NAV2: variants seen among roughly 807,000 people sequenced by gnomAD.
NAV2 encodes helicase, APC down-regulated 1.
Under a neutral mutation model 223.2 loss-of-function variants are expected in NAV2, and 54 were observed. That is an observed-to-expected ratio of 0.24 (90% CI 0.19 to 0.30). NAV2 has a LOEUF of 0.30. NAV2 is among the 10% of genes least tolerant of loss of function. The probability of loss-of-function intolerance (pLI) is 1.00; values close to 1 mark genes in which losing one functional copy is unlikely to be tolerated. For synonymous variants in NAV2, 1,279 were observed against 1,239.3 expected (o/e 1.03, Z -0.67); for missense variants, 2,806 against 3,147.5 (o/e 0.89, Z 2.60).
At chr11:19,535,524 C>T (rs2044160422) in intron 1 of NAV2, among the ~76,000 whole-genome samples, 1 of 152,178 alleles carries the variant, frequency 6.6e-6, no homozygotes, top group Non-Finnish European at 1.5e-5. Flanking sequence ...GGGTGATATA[C>T]TTTTAATTAA....
intron 3 of NAV2, among the ~76,000 whole-genome samples, chr11:19,851,133 T>G (rs1011047917): frequency 9.2e-5 from 14 of 152,200 alleles, no homozygotes; most frequent in African/African-American, 3.1e-4. Flanking sequence ...CATATACAAT[T>G]GTGATTGCCA....
At chr11:19,776,283 G>T (rs1406722580) in intron 1 of NAV2, among the ~76,000 whole-genome samples, 1 of 152,204 alleles carries the variant, frequency 6.6e-6, no homozygotes, top group East Asian at 1.9e-4. Context: ...GAGGGTCACT[G>T]CCAGATGAGA....
intron 15 of NAV2, 69 bp from the exon 16 acceptor site, chr11:20,049,767 A>AT (rs769584425): frequency 3.8e-4 from 553 of 1,473,754 alleles, no homozygotes; most frequent in Non-Finnish European, 5.0e-4. Context: ...AAAAATGTAT[A>AT]TAACAACACC....
At chr11:19,689,681 C>T (rs2049113544) in intron 1 of NAV2, among the ~76,000 whole-genome samples, 1 of 152,184 alleles carries the variant, frequency 6.6e-6, no homozygotes, top group African/African-American at 2.4e-5. Context: ...TTAGCATTAA[C>T]CCTTTTCAGA....
In NAV2 at chr11:20,054,121, A is replaced by G; in HGVS notation, c.4523A>G (p.Lys1508Arg). The G allele has an allele frequency of 6.2e-7, 1 of 1,612,778 alleles. No individual in the cohort carries two copies. Among genetic ancestry groups the G allele is most frequent in the South Asian group, 1.1e-5 (1 of 90,738 alleles). The change falls in exon 18 of 38, where the codon AAA becomes AGA. Residue 1508 changes from lysine to arginine, a missense_variant. This residue lies in a region of NAV2 where 742 missense variants were observed against 777.9 expected (regional missense o/e 0.95). Transcript: ENST00000349880. The stretch of plus-strand genomic sequence containing the variant: ...CAGCTTCGCACGCAAGAAGATGCAA[A>G]AGAATGGTTACGGTCCCATTCTGCA... ...TSQLRTQEDA[K>R]EWLRSHSAGG...
chr11:19,723,585 C>G (rs376152072), intron 1 of NAV2, among the ~76,000 whole-genome samples: 25 of 152,246 alleles, frequency 1.6e-4, no homozygotes, highest in Non-Finnish European at 3.1e-4. Flanking sequence ...CTGCTTCCCC[C>G]TCGTTGGGGC....
chr11:19,700,716 C>T (rs1234350750), intron 1 of NAV2, among the ~76,000 whole-genome samples: 1 of 152,148 alleles, frequency 6.6e-6, no homozygotes, highest in Non-Finnish European at 1.5e-5. Context: ...AGATCCTGGC[C>T]CCAAACATCT....
At chr11:19,984,011 C>T (rs945750212) in intron 10 of NAV2, 114 bp from the exon 11 acceptor site, 24 of 1,370,124 alleles carry the variant, frequency 1.8e-5, no homozygotes, top group African/African-American at 5.7e-5. Context: ...GGGAATCCTC[C>T]GTTTCTTCCC....
intron 1 of NAV2, among the ~76,000 whole-genome samples, chr11:19,493,037 T>C (rs1348424960): frequency 6.6e-6 from 1 of 152,174 alleles, no homozygotes; most frequent in Non-Finnish European, 1.5e-5. Context: ...AGTAGGCTGA[T>C]AATAATCGTC....
At chr11:19,678,237 T>A (rs554328959) in intron 1 of NAV2, among the ~76,000 whole-genome samples, 2 of 152,194 alleles carry the variant, frequency 1.3e-5, no homozygotes, top group Non-Finnish European at 2.9e-5. Context: ...TCTAAGCTCC[T>A]TTTTTGTAGG....
chr11:19,778,241 G>T lies in NAV2; in HGVS notation c.268-54243G>T, dbSNP rs899324854. 16 of 419,516 alleles carry T rather than the reference G, an allele frequency of 3.8e-5. No individual in the cohort carries two copies. The East Asian group carries it at 1.1e-3, about 30-fold the overall frequency. The allele number at this position is 419,516 out of a possible 1,614,324, so 26.0% of individuals were successfully genotyped here. A position where few individuals can be genotyped will look rare whatever the true frequency, so the allele number is the denominator to read the frequency against. On this transcript the variant is annotated intron_variant, in intron 1 of 37. Transcript: ENST00000349880. ...GCTTTTGTGAATTGTTTTTTTATCG[G>T]ATAGTTTCAACTGGCGGGGACCATA...
chr11:19,570,626 A>T (rs1450521300), intron 1 of NAV2, among the ~76,000 whole-genome samples: 1 of 152,254 alleles, frequency 6.6e-6, no homozygotes, highest in Non-Finnish European at 1.5e-5. Flanking sequence ...TGAGCAAAGG[A>T]CTTGAATAGA....
chr11:19,878,419 G>A (rs1340445343), intron 4 of NAV2, among the ~76,000 whole-genome samples: 1 of 152,120 alleles, frequency 6.6e-6, no homozygotes, highest in Non-Finnish European at 1.5e-5. Flanking sequence ...TGTGCAGTGG[G>A]GCAAAGCGGT....
chr11:19,542,181 G>A (rs1351272691), intron 1 of NAV2, among the ~76,000 whole-genome samples: 1 of 152,190 alleles, frequency 6.6e-6, no homozygotes, highest in East Asian at 1.9e-4. Context: ...GTGCAGACCT[G>A]ACTGCTGTTG....
intron 1 of NAV2, among the ~76,000 whole-genome samples, chr11:19,670,919 C>T (rs532457824): frequency 3.4e-4 from 52 of 152,348 alleles, no homozygotes; most frequent in African/African-American, 1.2e-3. Flanking sequence ...GGAATGCCAG[C>T]GCAGCTAAGG....
chr11:19,649,497 T>A (rs970284163), intron 1 of NAV2, among the ~76,000 whole-genome samples: 1 of 152,178 alleles, frequency 6.6e-6, no homozygotes, highest in Non-Finnish European at 1.5e-5. Context: ...GCAGATTTGG[T>A]GTTTTGTGAA....
intron 1 of NAV2, among the ~76,000 whole-genome samples, chr11:19,786,324 C>G (rs2057117083): frequency 6.6e-6 from 1 of 152,214 alleles, no homozygotes; most frequent in African/African-American, 2.4e-5. Flanking sequence ...CTGCAGACAC[C>G]TGCTATAGCA....
chr11:19,960,707 G>T (rs930154938), intron 10 of NAV2, among the ~76,000 whole-genome samples: 2 of 151,816 alleles, frequency 1.3e-5, no homozygotes, highest in South Asian at 2.1e-4. Context: ...TCTGCCTCCC[G>T]CATTCAAGTG....
intron 1 of NAV2, among the ~76,000 whole-genome samples, chr11:19,374,321 T>G (rs1253071657): frequency 1.3e-5 from 2 of 148,406 alleles, no homozygotes; most frequent in Non-Finnish European, 2.9e-5. Context: ...TTTTTTTTTT[T>G]TTTTTTTTTT....
Sources: allele counts gnomAD v4.1 joint callset (sites outside exome capture counted in the v4.1 genomes callset), GRCh38; gene constraint gnomAD v4.1.1; regional missense constraint gnomAD v4.1.1; transcripts MANE v1.5; gene names NCBI Gene and HGNC (gene_info 2026-07-23, HGNC 2026-07-21).